The following PCNX2 variants were observed in gnomAD, a reference collection of about 807,000 sequenced individuals.
The protein encoded by PCNX2 is pecanex-like protein 2.
PCNX2 carries 168 observed loss-of-function variants against 223.8 expected under a neutral mutation model. That is an observed-to-expected ratio of 0.75 (90% CI 0.66 to 0.85). PCNX2 has a LOEUF of 0.85. PCNX2 is among the 40% of genes least tolerant of loss of function. The pLI, the probability that PCNX2 is intolerant of heterozygous loss-of-function variation, is 0.00. For missense variants in PCNX2, 2,507 were observed against 2,675.5 expected (o/e 0.94, Z 1.39); for synonymous variants, 1,006 against 1,052.6 (o/e 0.96, Z 0.86).
intron 13 of PCNX2, 125 bp downstream of exon 13, chr1:233,208,393 G>T: frequency 9.4e-7 from 1 of 1,059,450 alleles, no homozygotes; most frequent in Non-Finnish European, 1.3e-6. Context: ...AGATATGCAA[G>T]CCAAGAGGAA....
chr1:233,141,309 T>C (rs1677096648), intron 19 of PCNX2, among the ~76,000 whole-genome samples: 1 of 152,208 alleles, frequency 6.6e-6, no homozygotes, highest in Non-Finnish European at 1.5e-5. Flanking sequence ...ATATGGCTCA[T>C]ATTTCTATAT....
At chr1:233,051,189 A>T (rs368789419) in intron 25 of PCNX2, among the ~76,000 whole-genome samples, 89 of 152,236 alleles carry the variant, frequency 5.8e-4, no homozygotes, top group African/African-American at 2.0e-3. Context: ...AAAACACAAA[A>T]CAATAGATGC....
At position 233,052,935 on chromosome 1, in the gene PCNX2, C is replaced by T. The variant is rs572638326; in HGVS notation, c.4351+1333G>A. On this transcript the variant is annotated intron_variant, in intron 25 of 33. Coordinates refer to ENST00000258229, the MANE Select transcript of PCNX2 (RefSeq NM_014801.4). ...TCTTACTCACCCCTAACAGCTAGCC[C>T]TTCTGATTCCACCTCCCAGTCTCTG... Among the ~76,000 whole-genome samples the T allele has an allele frequency of 4.6e-5, 7 of 152,064 alleles. No individual in the cohort carries two copies. In the East Asian group the frequency reaches 1.4e-3, roughly 30 times the overall value.
intron 22 of PCNX2, among the ~76,000 whole-genome samples, chr1:233,090,751 GC>G (rs1194898425): frequency 6.6e-6 from 1 of 152,036 alleles, no homozygotes; most frequent in Non-Finnish European, 1.5e-5. Flanking sequence ...TAGTTTTTAA[GC>G]AAAAAACACC....
chr1:233,079,976 G>A (rs1413151643), intron 23 of PCNX2, among the ~76,000 whole-genome samples: 1 of 152,076 alleles, frequency 6.6e-6, no homozygotes, highest in Non-Finnish European at 1.5e-5. Flanking sequence ...TCTTTCTCTG[G>A]CTTTGGCCCT....
chr1:233,279,557 T>C (rs976923057), intron 1 of PCNX2, among the ~76,000 whole-genome samples: 5 of 152,228 alleles, frequency 3.3e-5, no homozygotes, highest in African/African-American at 1.2e-4. Context: ...AATTCTGGGA[T>C]TACAGGTGTG....
chr1:233,184,395 C>T (rs1253796306), intron 15 of PCNX2, among the ~76,000 whole-genome samples: 1 of 151,700 alleles, frequency 6.6e-6, no homozygotes, highest in Non-Finnish European at 1.5e-5. Context: ...TTTAAAACAG[C>T]CTTGTCCCCA....
In PCNX2 at chr1:233,160,376, A is replaced by C; in HGVS notation, c.3424T>G (p.Tyr1142Asp). 6.2e-7 allele frequency: 1 copy of C among 1,613,608 alleles called. No homozygotes were observed. The highest frequency in any genetic ancestry group is 1.1e-5 in the South Asian group (1 of 91,080). The part of the protein sequence containing the change: ...LAGAVGFVTH[Y>D]VLPQLRKHHP... Reference sequence around the variant, plus strand: ...TGCTTGCGGAGCTGAGGGAGCACGTAATGTGTTACAAACCCCACGGCTCCA... The same window carrying C: ...TGCTTGCGGAGCTGAGGGAGCACGTCATGTGTTACAAACCCCACGGCTCCA... The change falls in exon 19 of 34, where the codon TAC (tyrosine) becomes GAC (aspartate). Residue 1142 changes from tyrosine to aspartate, a missense_variant. Transcript: ENST00000258229.
chr1:233,291,059 C>T, intron 1 of PCNX2: 1 of 985,392 alleles, frequency 1.0e-6, no homozygotes, highest in Non-Finnish European at 1.2e-6. Context: ...TCCACGGTTT[C>T]ACAGCCTTCA....
At chr1:233,270,259 T>C (rs1412447556) in intron 1 of PCNX2, among the ~76,000 whole-genome samples, 3 of 152,184 alleles carry the variant, frequency 2.0e-5, no homozygotes, top group Non-Finnish European at 4.4e-5. Context: ...GAGTTACAAG[T>C]TTTCAGATTC....
chr1:233,259,726 TC>T (rs1468340178), intron 4 of PCNX2, among the ~76,000 whole-genome samples: 1 of 152,138 alleles, frequency 6.6e-6, no homozygotes, highest in African/African-American at 2.4e-5. Context: ...AGTTTTCTGT[TC>T]CTGTGTTAGT....
At chr1:233,112,913 A>T (rs1675195718) in intron 21 of PCNX2, 1 of 1,289,232 alleles carries the variant, frequency 7.8e-7, no homozygotes, top group African/African-American at 1.5e-5. Flanking sequence ...GAACTGCAGT[A>T]ACTTGCATGG....
chr1:233,121,975 GA>G (rs760138593), intron 21 of PCNX2, among the ~76,000 whole-genome samples: 2 of 151,818 alleles, frequency 1.3e-5, no homozygotes, highest in Non-Finnish European at 2.9e-5. Flanking sequence ...CAATAAAATA[GA>G]ACAGGGTTTC....
intron 1 of PCNX2, among the ~76,000 whole-genome samples, chr1:233,265,021 T>C (rs1660252635): frequency 6.6e-6 from 1 of 152,068 alleles, no homozygotes; most frequent in Non-Finnish European, 1.5e-5. Flanking sequence ...AAGGATTGCT[T>C]GAGCCCAAGA....
chr1:233,044,348 T>C (rs1671751916), intron 25 of PCNX2, among the ~76,000 whole-genome samples: 2 of 152,178 alleles, frequency 1.3e-5, no homozygotes. Context: ...TTTTCTCCCA[T>C]TTTGTAGGTT....
rs753242885 is a variant in PCNX2 at position 233,200,235 on chromosome 1, G to A, written c.2893C>T (p.Leu965Phe). ...VFLYCFPAISLLGLFPQINTF... is the reference protein window; with the variant it reads ...VFLYCFPAISFLGLFPQINTF... ...TTGATTTGCGGGAAGAGCCCAAGGA[G>A]GGAAATAGCAGGGAAGCAATATAAA... is the stretch of plus-strand genomic sequence containing the variant. Residue 965 changes from leucine (L) to phenylalanine (F), a missense_variant, in exon 14 of 34, where the codon CTC becomes TTC. Physicochemically the swap from Leu to Phe is conservative, Grantham distance 22. Around this residue, in one of 3 missense-constraint regions of PCNX2, gnomAD observed 1,372 missense variants for 1,509.4 expected, o/e 0.91. Transcript: ENST00000258229. The A allele has an allele frequency of 1.9e-6, 3 of 1,587,322 alleles. No individual in the cohort carries two copies. Among genetic ancestry groups the A allele is most frequent in the South Asian group, 1.2e-5 (1 of 86,472 alleles).
chr1:233,189,066 A>G (rs184828461), intron 15 of PCNX2, among the ~76,000 whole-genome samples: 1 of 152,320 alleles, frequency 6.6e-6, no homozygotes, highest in East Asian at 1.9e-4. Flanking sequence ...AGGAACTTTT[A>G]GCCAGGCACT....
chr1:233,289,709 G>A (rs1043582961), intron 1 of PCNX2, among the ~76,000 whole-genome samples: 3 of 152,248 alleles, frequency 2.0e-5, no homozygotes, highest in African/African-American at 4.8e-5. Flanking sequence ...AAGAAAGCAT[G>A]GACTATGTGA....
At chr1:233,322,370 C>T in the PCNX2 span, among the ~76,000 whole-genome samples, 1 of 152,014 alleles carries the variant, frequency 6.6e-6, no homozygotes, top group Non-Finnish European at 1.5e-5. Flanking sequence ...TCTCCAAATG[C>T]CAGATTTGGG....
Sources: gnomAD v4.1 joint callset for allele counts (sites outside exome capture counted in the v4.1 genomes callset) on GRCh38, gnomAD v4.1.1 for gene constraint, gnomAD v4.1.1 regional missense constraint, MANE v1.5 for transcripts, NCBI Gene and HGNC (gene_info 2026-07-23, HGNC 2026-07-21) for gene names.